The following GLG1 variants were observed in gnomAD, a reference collection of about 807,000 sequenced individuals.
GLG1 encodes the protein golgi glycoprotein 1, also known as Golgi apparatus protein 1.
Under a neutral mutation model 160.5 loss-of-function variants are expected in GLG1, and 38 were observed. The observed-to-expected ratio is 0.24, with a 90% CI of 0.18 to 0.31. The LOEUF is 0.31. Among genes scored for constraint, GLG1 ranks in the 10% least tolerant of loss-of-function variants. GLG1 has a pLI of 1.00. For synonymous variants in GLG1, 644 were observed against 543.4 expected (o/e 1.19, Z -2.57); for missense variants, 1,373 against 1,505.2 (o/e 0.91, Z 1.45).
chr16:74,493,129 T>G lies in GLG1; in HGVS notation c.1062A>C (p.Ala354=). 6.2e-7 allele frequency: 1 copy of G among 1,611,328 alleles called. No homozygotes were observed. The highest frequency in any genetic ancestry group is 8.5e-7 in the Non-Finnish European group (1 of 1,178,504). Reference sequence around the variant, plus strand: ...CAATCAGCTTTTGGCGGGTTGTAAGTGCTTCTCGACACTGAGGAAAGAGTA... The same window carrying G: ...CAATCAGCTTTTGGCGGGTTGTAAGGGCTTCTCGACACTGAGGAAAGAGTA... ...EESMSEKCRE[A]LTTRQKLIAQ... The change falls in exon 7 of 26, where the codon GCA becomes GCC. Residue 354 remains alanine, a synonymous_variant. Coordinates refer to ENST00000422840, the MANE Select transcript of GLG1 (RefSeq NM_001145667.2).
intron 4 of GLG1, among the ~76,000 whole-genome samples, chr16:74,497,755 G>C (rs2016252703): frequency 6.6e-6 from 1 of 152,134 alleles, no homozygotes; most frequent in South Asian, 2.1e-4. Context: ...TTTCAGTCAA[G>C]TTAAAAACCA....
At chr16:74,559,343 T>C (rs972103325) in intron 1 of GLG1, among the ~76,000 whole-genome samples, 1 of 151,022 alleles carries the variant, frequency 6.6e-6, no homozygotes, top group Non-Finnish European at 1.5e-5. Flanking sequence ...CTCAGGAGGC[T>C]GAGGGCAGGA....
At chr16:74,523,170 T>C (rs1398232444) in intron 2 of GLG1, among the ~76,000 whole-genome samples, 2 of 152,250 alleles carry the variant, frequency 1.3e-5, no homozygotes. Flanking sequence ...AAGAAATCTT[T>C]GCCAATCTCC....
intron 2 of GLG1, among the ~76,000 whole-genome samples, chr16:74,512,927 G>A (rs1405824965): frequency 6.6e-6 from 1 of 152,126 alleles, no homozygotes; most frequent in Non-Finnish European, 1.5e-5. Context: ...GGGATAAGAA[G>A]CAATTTAGTC....
chr16:74,482,509 C>T (rs778404886), intron 10 of GLG1, among the ~76,000 whole-genome samples: 50 of 151,950 alleles, frequency 3.3e-4, no homozygotes, highest in Non-Finnish European at 5.9e-4. Flanking sequence ...TCTCCTAGTT[C>T]ATCCTCCCAC....
intron 1 of GLG1, among the ~76,000 whole-genome samples, chr16:74,588,946 T>G (rs1457924846): frequency 5.3e-5 from 8 of 151,574 alleles, no homozygotes; most frequent in Middle Eastern, 3.4e-3. Flanking sequence ...TTAAATCAAA[T>G]GTATTTGGTG....
chr16:74,508,200 T>C (rs943013749), intron 3 of GLG1, among the ~76,000 whole-genome samples: 1 of 151,854 alleles, frequency 6.6e-6, no homozygotes. Flanking sequence ...ATTAGTATGG[T>C]GTGAGATCTA....
rs1958530331 is a variant in GLG1, at chr16:74,604,923, C to T, written c.438+1734G>A. The stretch of plus-strand genomic sequence containing the variant: ...AATTAGCTGGGCGTGGTGGCGCTCG[C>T]CTGTAGTCCCAGGTACTCAGGTGGC... On this transcript the variant is annotated intron_variant, in intron 1 of 25. Coordinates refer to ENST00000422840, the MANE Select transcript of GLG1 (RefSeq NM_001145667.2). Among the ~76,000 whole-genome samples, 3 of 152,268 alleles carry T rather than the reference C, an allele frequency of 2.0e-5. No individual in the cohort carries two copies. The South Asian group carries it at 6.2e-4, about 32-fold the overall frequency.
intron 20 of GLG1, chr16:74,463,153 G>A (rs1000005265): frequency 1.8e-6 from 1 of 564,688 alleles, no homozygotes; most frequent in East Asian, 2.9e-5. Context: ...CAGTTTTCTG[G>A]TTCTTGTGGC....
intron 11 of GLG1, among the ~76,000 whole-genome samples, 170 bp from the exon 12 acceptor site, chr16:74,477,703 G>T (rs1348877439): frequency 2.0e-5 from 3 of 152,168 alleles, no homozygotes; most frequent in Non-Finnish European, 4.4e-5. Flanking sequence ...GCCAGGTGCG[G>T]TGGCTCACGC....
At chr16:74,586,398 C>T (rs1958053429) in intron 1 of GLG1, among the ~76,000 whole-genome samples, 1 of 152,126 alleles carries the variant, frequency 6.6e-6, no homozygotes, top group African/African-American at 2.4e-5. Flanking sequence ...TAGCTCAACT[C>T]AATTACAAGA....
At chr16:74,584,745 A>T (rs8047243) in intron 1 of GLG1, among the ~76,000 whole-genome samples, 107,552 of 151,718 alleles carry the variant, frequency 0.71, 38,751 homozygotes, top group African/African-American at 0.83. Context: ...ATGAAACCCC[A>T]TCTCTACTAA....
chr16:74,462,242 C>G (rs1285433400), intron 21 of GLG1, 47 bp from the exon 22 acceptor site: 1 of 979,056 alleles, frequency 1.0e-6, no homozygotes, highest in Non-Finnish European at 1.6e-6. Context: ...GAAAACGAAG[C>G]TTTTCTACAA....
chr16:74,453,110 A>C lies in GLG1; in HGVS notation c.*57T>G. 1 of 1,587,702 alleles carries C rather than the reference A, an allele frequency of 6.3e-7. No homozygotes were observed. Among genetic ancestry groups the C allele is most frequent in the Non-Finnish European group, 8.6e-7 (1 of 1,167,034 alleles). ...GCGAGGTGAGTGGGGATGCTATACA[A>C]GAGGGCTGTACAAACTGGGCACTGG... On this transcript the variant is annotated 3_prime_UTR_variant, in exon 26 of 26. Transcript: ENST00000422840.
intron 2 of GLG1, among the ~76,000 whole-genome samples, chr16:74,518,680 A>T (rs771014918): frequency 3.9e-5 from 6 of 152,200 alleles, no homozygotes; most frequent in Non-Finnish European, 8.8e-5. Context: ...TGGCAACAAA[A>T]ACCAAAATTG....
intron 1 of GLG1, among the ~76,000 whole-genome samples, chr16:74,550,025 C>A (rs1219345920): frequency 5.3e-5 from 8 of 152,228 alleles, no homozygotes; most frequent in Admixed American, 2.6e-4. Flanking sequence ...GTTGAGAGGA[C>A]AAGACTGCTT....
chr16:74,575,741 T>C (rs893431973), intron 1 of GLG1, among the ~76,000 whole-genome samples: 3 of 152,200 alleles, frequency 2.0e-5, no homozygotes, highest in African/African-American at 7.2e-5. Context: ...TCGCTCTTTA[T>C]TTTTATGCTG....
chr16:74,529,821 T>TG (rs1237362366), intron 2 of GLG1, among the ~76,000 whole-genome samples: 2 of 139,212 alleles, frequency 1.4e-5, no homozygotes, highest in East Asian at 2.1e-4. Context: ...TCTTTTTTTT[T>TG]TTTTTTTTTT....
Position 74,462,071 on chromosome 16 carries a change from C to T in GLG1, c.3036+23G>A, listed in dbSNP as rs141863280. 1,547 of 1,291,326 alleles carry T rather than the reference C, an allele frequency of 1.2e-3. 5 individuals are homozygous for T. The highest frequency in any genetic ancestry group is 1.4e-3 in the Non-Finnish European group (1,217 of 889,208). The allele number at this position is 1,291,326 out of a possible 1,614,324, so 80.0% of individuals were successfully genotyped here. ...CTTCTCTGAGCAGCTCTGTGCGTAA[C>T]CAGTTTTGCACGCAAATCCCACCTC... On this transcript the variant is annotated intron_variant, in intron 22 of 25. Transcript: ENST00000422840.
Sources: allele counts gnomAD v4.1 joint callset (sites outside exome capture counted in the v4.1 genomes callset), GRCh38; gene constraint gnomAD v4.1.1; transcripts MANE v1.5; gene names NCBI Gene and HGNC (gene_info 2026-07-23, HGNC 2026-07-21).